SLC6A3: variants seen among roughly 807,000 people sequenced by gnomAD.
SLC6A3 encodes sodium-dependent dopamine transporter.
Under a neutral mutation model 70.4 loss-of-function variants are expected in SLC6A3, and 19 were observed. That is an observed-to-expected ratio of 0.27 (90% CI 0.19 to 0.40). The LOEUF is 0.40. Among genes scored for constraint, SLC6A3 ranks in the 10% least tolerant of loss-of-function variants. The pLI is 1.00. For missense variants in SLC6A3, 613 were observed against 838.5 expected (o/e 0.73, Z 3.32); for synonymous variants, 368 against 356.6 (o/e 1.03, Z -0.36).
rs1755948134 is a variant in SLC6A3, at chr5:1,405,384, C to G, written c.1599+804G>C. On this transcript the variant is annotated intron_variant, in intron 12 of 14. Transcript: ENST00000270349. The surrounding 1 kb of genome is among the most constrained non-coding windows in gnomAD (Gnocchi z 5.3). Reference sequence around the variant, plus strand: ...CGGGCCCTGCTGACTCCGGGACCAGCCCTTGGTCCATGAGAGGGTGCGGCC... The same window carrying G: ...CGGGCCCTGCTGACTCCGGGACCAGGCCTTGGTCCATGAGAGGGTGCGGCC... 6.6e-6 allele frequency among the ~76,000 whole-genome samples: 1 copy of G among 152,250 alleles called. No homozygotes were observed. The highest frequency in any genetic ancestry group is 2.4e-5 in the African/African-American group (1 of 41,472).
rs1756410714 is a variant in SLC6A3 at position 1,420,662 on chromosome 5, A to G, written c.834T>C (p.Thr278=). 3.7e-6 allele frequency: 6 copies of G among 1,613,654 alleles called. No individual in the cohort carries two copies. The East Asian group carries it at 1.3e-4, about 36-fold the overall frequency. ...ITATMPYVVL[T]ALLLRGVTLP... Reference sequence around the variant, plus strand: ...GGGTGACCCCACGCAGGAGCAGGGCAGTGAGGACCACGTATGGCATGGTGG... The same window carrying G: ...GGGTGACCCCACGCAGGAGCAGGGCGGTGAGGACCACGTATGGCATGGTGG... The change falls in exon 6 of 15, where the codon ACT becomes ACC. Residue 278 remains threonine (T), a synonymous_variant. Coordinates refer to ENST00000270349, the MANE Select transcript of SLC6A3 (RefSeq NM_001044.5).
At chr5:1,441,272 A>C in intron 3 of SLC6A3, 87 bp downstream of exon 3, 30 of 1,548,068 alleles carry the variant, frequency 1.9e-5, no homozygotes, top group Non-Finnish European at 2.7e-5. Flanking sequence ...CTGGATGCCC[A>C]TGATGCGGCT....
intron 4 of SLC6A3, among the ~76,000 whole-genome samples, chr5:1,425,512 C>A (rs1031469415): frequency 1.3e-5 from 2 of 152,162 alleles, no homozygotes; most frequent in African/African-American, 4.8e-5. Flanking sequence ...ACAGCTACTT[C>A]ACATGATATA....
At chr5:1,416,375 C>T in intron 6 of SLC6A3, 174 bp from the exon 7 acceptor site, 1 of 658,838 alleles carries the variant, frequency 1.5e-6, no homozygotes, top group Non-Finnish European at 2.7e-6. Context: ...GGAAGTGAAC[C>T]CTCCCGGGCC....
intron 3 of SLC6A3, among the ~76,000 whole-genome samples, chr5:1,433,311 G>T (rs1230808415): frequency 6.6e-6 from 1 of 152,074 alleles, no homozygotes; most frequent in African/African-American, 2.4e-5. Context: ...GGAACACCCA[G>T]TGTCTCCCAG....
intron 14 of SLC6A3, among the ~76,000 whole-genome samples, chr5:1,399,749 C>A (rs1421446929): frequency 6.6e-6 from 1 of 152,190 alleles, no homozygotes; most frequent in Non-Finnish European, 1.5e-5. Flanking sequence ...CGGAGGGAGG[C>A]AGAGCCCACA....
At chr5:1,422,871 G>C (rs377727292) in intron 4 of SLC6A3, among the ~76,000 whole-genome samples, 9 of 54,496 alleles carry the variant, frequency 1.7e-4, no homozygotes, top group Non-Finnish European at 1.2e-4. Context: ...GCTGCCCATG[G>C]TGCTGGGTGC....
Position 1,409,089 on chromosome 5 carries a change from C to A in SLC6A3, c.1435G>T (p.Ala479Ser), listed in dbSNP as rs1353386605. 8.1e-6 allele frequency: 13 copies of A among 1,612,806 alleles called. No individual in the cohort carries two copies. In the East Asian group the frequency reaches 2.2e-4, roughly 28 times the overall value. The change falls in exon 11 of 15, where the codon GCA becomes TCA. Residue 479 changes from alanine to serine, a missense_variant. Coordinates refer to ENST00000270349, the MANE Select transcript of SLC6A3 (RefSeq NM_001044.5). ...IYVFTLLDHF[A>S]AGTSILFGVL... ...CCAAAGAGGATGGACGTGCCGGCTG[C>A]AAAATGGTCCAGGAGCGTGAAGACG...
At chr5:1,407,612 G>A (rs1208958744) in intron 11 of SLC6A3, among the ~76,000 whole-genome samples, 1 of 152,326 alleles carries the variant, frequency 6.6e-6, no homozygotes, top group Non-Finnish European at 1.5e-5. Context: ...GGTCTTCTGA[G>A]GTGCAGGTCG....
intron 6 of SLC6A3, among the ~76,000 whole-genome samples, chr5:1,417,339 G>A (rs746550893): frequency 1.1e-4 from 17 of 152,118 alleles, no homozygotes; most frequent in Non-Finnish European, 5.9e-5. Flanking sequence ...CATGCTGCAT[G>A]ATGGCAGCAC....
At chr5:1,416,430 T>G in intron 6 of SLC6A3, 1 of 603,080 alleles carries the variant, frequency 1.7e-6, no homozygotes, top group African/African-American at 1.8e-5. Flanking sequence ...TCTGTGTTCA[T>G]TGATCTGGGA....
intron 7 of SLC6A3, among the ~76,000 whole-genome samples, chr5:1,415,514 A>T (rs37022): frequency 0.27 from 41,321 of 152,102 alleles, 6,568 homozygotes; most frequent in East Asian, 0.49. Context: ...ATTCTGCTGC[A>T]CACACTGTCC....
chr5:1,417,963 G>C (rs930362387), intron 6 of SLC6A3, among the ~76,000 whole-genome samples: 1 of 152,370 alleles, frequency 6.6e-6, no homozygotes, highest in Admixed American at 6.5e-5. Context: ...TGGGCAGCAT[G>C]TCAGAGCCTC....
rs1052960449 is a variant in SLC6A3, at chr5:1,404,804, G to A, written c.1599+1384C>T. Among the ~76,000 whole-genome samples the A allele has an allele frequency of 3.3e-5, 5 of 152,240 alleles. No homozygotes were observed. Among genetic ancestry groups the A allele is most frequent in the South Asian group, 2.1e-4 (1 of 4,834 alleles). Reference sequence around the variant, plus strand: ...ACTTGGCAAAATGAAGTCCTGTTTCGTATAGTTTGTAGTTTTATCTAAAAG... The same window carrying A: ...ACTTGGCAAAATGAAGTCCTGTTTCATATAGTTTGTAGTTTTATCTAAAAG... On this transcript the variant is annotated intron_variant, in intron 12 of 14. Coordinates refer to ENST00000270349, the MANE Select transcript of SLC6A3 (RefSeq NM_001044.5). This position sits in a 1 kb window ranked among gnomAD's most constrained non-coding sequence, Gnocchi z 5.2.
At chr5:1,422,239 C>T (rs938357812) in intron 4 of SLC6A3, among the ~76,000 whole-genome samples, 3 of 152,252 alleles carry the variant, frequency 2.0e-5, no homozygotes, top group Non-Finnish European at 4.4e-5. Context: ...CCAGGAAGCC[C>T]TGCCTCACCA....
chr5:1,444,753 G>A (rs1733758607), intron 1 of SLC6A3, among the ~76,000 whole-genome samples: 1 of 152,238 alleles, frequency 6.6e-6, no homozygotes, highest in Admixed American at 6.5e-5. Context: ...TGAACGCGGG[G>A]CCTCAGAGGC....
chr5:1,424,835 C>T (rs1756541969), intron 4 of SLC6A3, among the ~76,000 whole-genome samples: 1 of 152,218 alleles, frequency 6.6e-6, no homozygotes, highest in African/African-American at 2.4e-5. Flanking sequence ...TATTTGAAAA[C>T]CCACAGACAA....
chr5:1,425,454 A>G (rs1021395869), intron 4 of SLC6A3, among the ~76,000 whole-genome samples: 2 of 152,276 alleles, frequency 1.3e-5, no homozygotes, highest in Admixed American at 6.5e-5. Flanking sequence ...ATTACTAGAC[A>G]TGACAAGAAG....
rs2126328204 is a variant in SLC6A3 at position 1,404,696 on chromosome 5, C to T, written c.1599+1492G>A. Among the ~76,000 whole-genome samples, 1 of 152,356 alleles carries T rather than the reference C, an allele frequency of 6.6e-6. No individual in the cohort carries two copies. Among genetic ancestry groups the T allele is most frequent in the African/African-American group, 2.4e-5 (1 of 41,578 alleles). On this transcript the variant is annotated intron_variant, in intron 12 of 14. Transcript: ENST00000270349. This position sits in a 1 kb window ranked among gnomAD's most constrained non-coding sequence, Gnocchi z 5.2. Reference sequence around the variant, plus strand: ...TGATAACACAGACGTTATGTTTCTGCTGAAATCAGAACTTCATAGGAATTG... The same window carrying T: ...TGATAACACAGACGTTATGTTTCTGTTGAAATCAGAACTTCATAGGAATTG...
Sources: gnomAD v4.1 joint callset for allele counts (sites outside exome capture counted in the v4.1 genomes callset) on GRCh38, gnomAD v4.1.1 for gene constraint, Gnocchi (gnomAD v3.1) non-coding constraint, MANE v1.5 for transcripts, NCBI Gene and HGNC (gene_info 2026-07-23, HGNC 2026-07-21) for gene names.